Variants in NLGN1 observed in about 807,000 individuals in gnomAD.
NLGN1 encodes neuroligin 1, also known as neuroligin-1.
Under a neutral mutation model 65.5 loss-of-function variants are expected in NLGN1, and 12 were observed. The observed-to-expected ratio is 0.18, with a 90% CI of 0.12 to 0.30. The LOEUF (loss-of-function observed/expected upper bound fraction) is 0.30. Ranked by LOEUF, NLGN1 falls within the 10% of genes least tolerant of loss-of-function variation. The pLI is 1.00. For synonymous variants in NLGN1, 350 were observed against 359.5 expected, an observed-to-expected ratio of 0.97 and a Z score of 0.30; for missense variants, 750 against 1,007.1, an observed-to-expected ratio of 0.74 and a Z score of 3.46.
chr3:173,840,064 C>T (rs1724498050), intron 4 of NLGN1, among the ~76,000 whole-genome samples: 1 of 152,162 alleles, frequency 6.6e-6, no homozygotes, highest in Non-Finnish European at 1.5e-5. Flanking sequence ...TCGACATATT[C>T]AAGGAACACA....
At chr3:173,443,654 G>A (rs1164665542) in intron 2 of NLGN1, among the ~76,000 whole-genome samples, 1 of 152,052 alleles carries the variant, frequency 6.6e-6, no homozygotes, top group Admixed American at 6.6e-5. Context: ...GGCAATTTAT[G>A]AATTTTTGTT....
intron 4 of NLGN1, among the ~76,000 whole-genome samples, chr3:173,838,218 TA>T (rs35482273): frequency 4.7e-5 from 7 of 148,046 alleles, no homozygotes; most frequent in East Asian, 4.0e-4. Flanking sequence ...CAGGGAAAAT[TA>T]AAAAAAAAAA....
intron 3 of NLGN1, among the ~76,000 whole-genome samples, chr3:173,632,849 G>GTTTTTTTTTT (rs5854526): frequency 6.0e-5 from 7 of 116,400 alleles, no homozygotes; most frequent in Non-Finnish European, 1.1e-4. Flanking sequence ...TTTTTTTTTT[G>GTTTTTTTTTT]TTTTTTTTTT....
At chr3:173,407,181 G>A (rs1560208809) in intron 1 of NLGN1, among the ~76,000 whole-genome samples, 1 of 152,152 alleles carries the variant, frequency 6.6e-6, no homozygotes, top group African/African-American at 2.4e-5. Flanking sequence ...ACATCTTTAT[G>A]ACTAAATGCG....
chr3:173,538,189 G>A (rs1016036261), intron 2 of NLGN1, among the ~76,000 whole-genome samples: 2 of 152,174 alleles, frequency 1.3e-5, no homozygotes, highest in Non-Finnish European at 2.9e-5. Context: ...TATATTGGAT[G>A]CTGATTCAGA....
intron 4 of NLGN1, among the ~76,000 whole-genome samples, chr3:174,044,783 G>A (rs1398938269): frequency 3.9e-5 from 6 of 152,080 alleles, no homozygotes; most frequent in Non-Finnish European, 8.8e-5. Flanking sequence ...AAATGTCATG[G>A]GAGGGACCTG....
intron 4 of NLGN1, among the ~76,000 whole-genome samples, chr3:174,271,846 T>A (rs1749459678): frequency 6.6e-6 from 1 of 151,762 alleles, no homozygotes. Context: ...AAATAATTTT[T>A]AGCATAATTG....
At chr3:173,930,442 G>C (rs1427268295) in intron 4 of NLGN1, among the ~76,000 whole-genome samples, 1 of 152,050 alleles carries the variant, frequency 6.6e-6, no homozygotes, top group African/African-American at 2.4e-5. Flanking sequence ...GTGAAGGGAA[G>C]TCTACACATT....
exon 3 of NLGN1, chr3:173,604,665 C>G (rs202165284): frequency 1.2e-6 from 2 of 1,613,510 alleles, no homozygotes; most frequent in African/African-American, 1.3e-5. Context: ...CTTGGTACAC[C>G]GGGGATTGGG....
At chr3:173,663,468 T>C (rs573090171) in intron 3 of NLGN1, among the ~76,000 whole-genome samples, 1 of 152,144 alleles carries the variant, frequency 6.6e-6, no homozygotes, top group South Asian at 2.1e-4. Context: ...TTTCAAAAAC[T>C]TTATTTAAAA....
intron 4 of NLGN1, among the ~76,000 whole-genome samples, chr3:174,013,804 C>T (rs1161017244): frequency 6.6e-6 from 1 of 152,192 alleles, no homozygotes; most frequent in Non-Finnish European, 1.5e-5. Flanking sequence ...GCAGCCTCAA[C>T]ATGCTGGGCT....
At chr3:174,236,614 T>A (rs1449211314) in intron 4 of NLGN1, among the ~76,000 whole-genome samples, 7 of 152,106 alleles carry the variant, frequency 4.6e-5, no homozygotes, top group Non-Finnish European at 7.4e-5. Context: ...TTGCTTTGAG[T>A]CTGTGTTTAC....
chr3:174,259,741 A>C (rs1746491132), intron 4 of NLGN1, among the ~76,000 whole-genome samples: 1 of 151,334 alleles, frequency 6.6e-6, no homozygotes, highest in Admixed American at 6.6e-5. Context: ...TGTGCAGGTT[A>C]GTTACATATG....
intron 2 of NLGN1, among the ~76,000 whole-genome samples, chr3:173,500,585 T>C (rs1041159741): frequency 3.9e-5 from 6 of 152,158 alleles, no homozygotes; most frequent in African/African-American, 1.4e-4. Context: ...TTAGGGAAGA[T>C]TCCCTCTTTT....
intron 4 of NLGN1, among the ~76,000 whole-genome samples, chr3:174,169,342 A>C (rs902698944): frequency 6.6e-6 from 1 of 152,066 alleles, no homozygotes; most frequent in Admixed American, 6.6e-5. Context: ...ATGCTTAGGA[A>C]GGGTGTCGCA....
rs145764602 is a variant in NLGN1 at position 174,081,519 on chromosome 3, A to G, written c.647-193796A>G. On this transcript the variant is annotated intron_variant, in intron 4 of 6. Coordinates refer to ENST00000457714, the Ensembl canonical transcript of NLGN1. The stretch of plus-strand genomic sequence containing the variant: ...TGTTACAAGGACACTAATCCCATCA[A>G]TGAGGGTTCCCCCAACCTGATCTAA... 2.9e-3 allele frequency among the ~76,000 whole-genome samples: 446 copies of G among 151,954 alleles called. 3 individuals carry two copies. The highest frequency in any genetic ancestry group is 0.01 in the African/African-American group (424 of 41,426).
intron 4 of NLGN1, among the ~76,000 whole-genome samples, chr3:173,996,090 A>C (rs1458750915): frequency 1.3e-5 from 2 of 152,192 alleles, no homozygotes; most frequent in Non-Finnish European, 2.9e-5. Context: ...CTAAGCATTA[A>C]TGTATTTCTT....
At chr3:173,754,382 T>TAGAG (rs1042925459) in intron 3 of NLGN1, among the ~76,000 whole-genome samples, 3 of 152,110 alleles carry the variant, frequency 2.0e-5, no homozygotes, top group African/African-American at 7.2e-5. Context: ...GGTAAAGCCT[T>TAGAG]CTCTAACTGT....
chr3:174,202,292 T>C (rs183989509), intron 4 of NLGN1, among the ~76,000 whole-genome samples: 4 of 152,290 alleles, frequency 2.6e-5, no homozygotes, highest in Non-Finnish European at 5.9e-5. Context: ...GCCATGTCTA[T>C]TTCCAAATGA....
Sources: allele counts gnomAD v4.1 joint callset (sites outside exome capture counted in the v4.1 genomes callset), GRCh38; gene constraint gnomAD v4.1.1; transcripts MANE v1.5; gene names NCBI Gene and HGNC (gene_info 2026-07-23, HGNC 2026-07-21).